The following WWOX variants were observed in gnomAD, a reference collection of about 807,000 sequenced individuals.
WWOX encodes WW domain-containing oxidoreductase.
In WWOX, 69 loss-of-function variants were observed where a neutral mutation model predicts 46.2. The ratio of observed to expected loss-of-function variants is 1.49; its 90% CI spans 1.23 to 1.82. The LOEUF (loss-of-function observed/expected upper bound fraction) is 1.82. Ranked by LOEUF, WWOX falls within the 40% of genes most tolerant of loss-of-function variation. The pLI, the probability that WWOX is intolerant of heterozygous loss-of-function variation, is 0.00. For missense variants in WWOX, 919 were observed against 542.6 expected, an observed-to-expected ratio of 1.69 and a Z score of -6.89; for synonymous variants, 359 against 202.6, an observed-to-expected ratio of 1.77 and a Z score of -6.56.
chr16:78,956,266 C>T (rs1284840949), intron 8 of WWOX, among the ~76,000 whole-genome samples: 1 of 152,194 alleles, frequency 6.6e-6, no homozygotes, highest in Admixed American at 6.5e-5. Context: ...CTGCCTCAGC[C>T]TCCTGAGTAG....
At chr16:78,155,862 C>T (rs2034579832) in intron 4 of WWOX, among the ~76,000 whole-genome samples, 1 of 152,150 alleles carries the variant, frequency 6.6e-6, no homozygotes, top group Non-Finnish European at 1.5e-5. Flanking sequence ...GGGTTTTATC[C>T]AGGACTTTAA....
At chr16:78,850,352 A>C (rs2052411439) in intron 8 of WWOX, among the ~76,000 whole-genome samples, 1 of 152,128 alleles carries the variant, frequency 6.6e-6, no homozygotes. Flanking sequence ...CTACATCCCG[A>C]GTGTTTCACT....
chr16:78,713,827 C>G (rs1056731530), intron 8 of WWOX, among the ~76,000 whole-genome samples: 1 of 152,092 alleles, frequency 6.6e-6, no homozygotes, highest in Non-Finnish European at 1.5e-5. Flanking sequence ...GTAGATAATA[C>G]AGTCCCATTC....
intron 8 of WWOX, among the ~76,000 whole-genome samples, chr16:78,440,723 A>G (rs563225358): frequency 7.2e-5 from 11 of 151,852 alleles, no homozygotes; most frequent in South Asian, 4.2e-4. Context: ...AGTTCAAGCA[A>G]TTCTCCTGCC....
chr16:79,058,563 G>A (rs1218629313), intron 8 of WWOX, among the ~76,000 whole-genome samples: 1 of 152,138 alleles, frequency 6.6e-6, no homozygotes, highest in East Asian at 1.9e-4. Context: ...GAATTGAAAA[G>A]ACATTCACGT....
intron 8 of WWOX, among the ~76,000 whole-genome samples, chr16:78,950,557 C>CACACAA (rs1478553350): frequency 6.7e-6 from 1 of 149,210 alleles, no homozygotes; most frequent in Non-Finnish European, 1.5e-5. Flanking sequence ...CACACACACA[C>CACACAA]ACACACACGT....
chr16:78,314,707 T>TTTTG (rs2080324075), intron 5 of WWOX, among the ~76,000 whole-genome samples: 2 of 95,892 alleles, frequency 2.1e-5, no homozygotes, highest in South Asian at 3.4e-4. Flanking sequence ...TTTTGTTTTT[T>TTTTG]TTTTTTTTTT....
At chr16:78,433,101 A>C (rs2083262218) in intron 8 of WWOX, among the ~76,000 whole-genome samples, 1 of 152,022 alleles carries the variant, frequency 6.6e-6, no homozygotes, top group African/African-American at 2.4e-5. Flanking sequence ...GCACTTGAAA[A>C]CTGCTGTTTT....
At chr16:79,026,614 C>CTTTTTTTT (rs748965500) in intron 8 of WWOX, among the ~76,000 whole-genome samples, 5 of 101,094 alleles carry the variant, frequency 4.9e-5, no homozygotes, top group South Asian at 3.8e-4. Context: ...GTGGTAGACT[C>CTTTTTTTT]TTTTTTTTTT....
At chr16:79,182,128 A>G (rs539200582) in intron 8 of WWOX, among the ~76,000 whole-genome samples, 1 of 149,036 alleles carries the variant, frequency 6.7e-6, no homozygotes, top group African/African-American at 2.6e-5. Flanking sequence ...ACATTAGAGC[A>G]TTACTTCTCG....
At chr16:78,226,593 C>A (rs905923223) in intron 5 of WWOX, among the ~76,000 whole-genome samples, 1 of 144,554 alleles carries the variant, frequency 6.9e-6, no homozygotes, top group African/African-American at 2.5e-5. Flanking sequence ...TCCTTTATTT[C>A]TTTCTTCCTG....
At chr16:78,532,249 C>T (rs902612817) in intron 8 of WWOX, among the ~76,000 whole-genome samples, 1 of 152,048 alleles carries the variant, frequency 6.6e-6, no homozygotes, top group Non-Finnish European at 1.5e-5. Flanking sequence ...TGAGTACTTG[C>T]AAAATGTATT....
intron 8 of WWOX, among the ~76,000 whole-genome samples, chr16:79,157,422 CA>C (rs551488567): frequency 0.042 from 4,507 of 106,558 alleles, 89 homozygotes; most frequent in African/African-American, 0.086. Flanking sequence ...ATACAATGGC[CA>C]AAAAAAAAAA....
chr16:78,324,098 G>T (rs891851013), intron 5 of WWOX, among the ~76,000 whole-genome samples: 2 of 152,078 alleles, frequency 1.3e-5, no homozygotes, highest in African/African-American at 4.8e-5. Context: ...TAAGCTTGAA[G>T]TGGCAAGGAT....
intron 8 of WWOX, among the ~76,000 whole-genome samples, chr16:78,500,173 C>G (rs2085024813): frequency 6.6e-6 from 1 of 152,154 alleles, no homozygotes; most frequent in Non-Finnish European, 1.5e-5. Flanking sequence ...TAGAATTTTG[C>G]CAGTCCTACG....
Position 78,732,394 on chromosome 16 carries a change from G to A in WWOX, c.1056+299642G>A, listed in dbSNP as rs141264353. Among the ~76,000 whole-genome samples, 188 of 152,216 alleles carry A rather than the reference G, an allele frequency of 1.2e-3. 5 individuals are homozygous for A. In the East Asian group the frequency reaches 0.022, roughly 18 times the overall value. On this transcript the variant is annotated intron_variant, in intron 8 of 8. Coordinates refer to ENST00000566780, the MANE Select transcript of WWOX (RefSeq NM_016373.4). ...GCCCAAATAGAGAGGAATTGAGGCC[G>A]CCAGTCATAGTCAGCTTCAGTCATC...
intron 5 of WWOX, among the ~76,000 whole-genome samples, chr16:78,258,260 C>T (rs746668780): frequency 5.3e-5 from 8 of 152,238 alleles, no homozygotes; most frequent in South Asian, 2.1e-4. Flanking sequence ...GTTTATTTAA[C>T]GTACCAGCAA....
At chr16:78,561,194 G>A (rs1567645406) in intron 8 of WWOX, among the ~76,000 whole-genome samples, 2 of 152,024 alleles carry the variant, frequency 1.3e-5, no homozygotes, top group African/African-American at 4.8e-5. Context: ...TTGACTTTTG[G>A]CCCCCTGCAT....
chr16:78,588,461 G>A (rs903822704), intron 8 of WWOX, among the ~76,000 whole-genome samples: 3 of 152,172 alleles, frequency 2.0e-5, no homozygotes, highest in African/African-American at 7.2e-5. Context: ...GCAAAAATCT[G>A]CCCTGTTTGG....
Sources: allele counts gnomAD v4.1 joint callset (sites outside exome capture counted in the v4.1 genomes callset), GRCh38; gene constraint gnomAD v4.1.1; transcripts MANE v1.5; gene names NCBI Gene and HGNC (gene_info 2026-07-23, HGNC 2026-07-21).